Variants in CSMD1 observed in about 807,000 individuals in gnomAD.
CSMD1 encodes the protein CUB and Sushi multiple domains 1.
In CSMD1, 213 loss-of-function variants were observed where a neutral mutation model predicts 417.5. That is an observed-to-expected ratio of 0.51 (90% CI 0.46 to 0.57). CSMD1 has a LOEUF of 0.57. CSMD1 is among the 20% of genes least tolerant of loss of function. CSMD1 has a pLI of 0.00. For synonymous variants in CSMD1, 2,862 were observed against 1,736.8 expected (o/e 1.65, Z -16.11); for missense variants, 6,923 against 4,529.7 (o/e 1.53, Z -15.17).
chr8:3,455,690 T>A (rs1181393644), intron 12 of CSMD1, among the ~76,000 whole-genome samples: 1 of 152,144 alleles, frequency 6.6e-6, no homozygotes, highest in African/African-American at 2.4e-5. Flanking sequence ...CTCAGAGGAG[T>A]ACCTGGCCAT....
At chr8:4,130,929 T>C (rs1247611343) in intron 3 of CSMD1, among the ~76,000 whole-genome samples, 1 of 152,106 alleles carries the variant, frequency 6.6e-6, no homozygotes, top group Non-Finnish European at 1.5e-5. Context: ...TTATTCAGGC[T>C]TTCTGAATAT....
intron 17 of CSMD1, among the ~76,000 whole-genome samples, chr8:3,388,243 C>T (rs921590050): frequency 1.3e-5 from 2 of 152,094 alleles, no homozygotes; most frequent in Non-Finnish European, 2.9e-5. Context: ...TTTAAGTCAG[C>T]CACTTGCAAG....
chr8:3,799,195 A>C (rs1348618722), intron 5 of CSMD1, among the ~76,000 whole-genome samples: 1 of 152,116 alleles, frequency 6.6e-6, no homozygotes, highest in East Asian at 1.9e-4. Context: ...AAAAAGAGGA[A>C]TAGCACATAA....
intron 10 of CSMD1, among the ~76,000 whole-genome samples, chr8:3,503,578 A>G (rs1436030436): frequency 6.6e-6 from 1 of 152,214 alleles, no homozygotes; most frequent in Non-Finnish European, 1.5e-5. Flanking sequence ...CCCCGCCCTC[A>G]GGGCCCTGCC....
chr8:4,405,126 G>A (rs1034965617), intron 3 of CSMD1, among the ~76,000 whole-genome samples: 2 of 152,076 alleles, frequency 1.3e-5, no homozygotes, highest in Non-Finnish European at 2.9e-5. Flanking sequence ...CCTTAGCATT[G>A]GTTATTTCAC....
At chr8:4,207,830 C>G (rs1800075029) in intron 3 of CSMD1, among the ~76,000 whole-genome samples, 1 of 152,038 alleles carries the variant, frequency 6.6e-6, no homozygotes, top group Non-Finnish European at 1.5e-5. Flanking sequence ...CAGATGCAAC[C>G]TCAGCCCTGG....
intron 20 of CSMD1, among the ~76,000 whole-genome samples, chr8:3,364,757 G>C (rs1004750569): frequency 6.6e-6 from 1 of 152,182 alleles, no homozygotes; most frequent in Non-Finnish European, 1.5e-5. Flanking sequence ...CACCCCAGAT[G>C]CCAGCACCTT....
At position 3,039,556 on chromosome 8, in the gene CSMD1, T is replaced by C. The variant is rs371040706; in HGVS notation, c.7661-10043A>G. On this transcript the variant is annotated intron_variant, in intron 50 of 69. Transcript: ENST00000635120. ...TTCCTTCTTTCCTTCCTTCCTTTCCTCCTTATTTTCTTCCTCATACATTAT... is the reference window on the plus strand; with the variant it reads ...TTCCTTCTTTCCTTCCTTCCTTTCCCCCTTATTTTCTTCCTCATACATTAT... 3.3e-5 allele frequency among the ~76,000 whole-genome samples: 5 copies of C among 151,746 alleles called. No individual in the cohort carries two copies. The East Asian group carries it at 7.8e-4, about 24-fold the overall frequency.
At chr8:3,332,944 G>C (rs1024291719) in intron 23 of CSMD1, among the ~76,000 whole-genome samples, 1 of 152,212 alleles carries the variant, frequency 6.6e-6, no homozygotes, top group Admixed American at 6.5e-5. Flanking sequence ...TGCTGAGTTT[G>C]TCAAGATACG....
At chr8:3,966,632 C>T (rs1277377457) in intron 5 of CSMD1, among the ~76,000 whole-genome samples, 1 of 151,942 alleles carries the variant, frequency 6.6e-6, no homozygotes, top group Non-Finnish European at 1.5e-5. Context: ...TTCAATTAGC[C>T]TGCAAGGTCT....
intron 2 of CSMD1, among the ~76,000 whole-genome samples, chr8:4,612,684 G>A (rs566701178): frequency 2.8e-4 from 43 of 152,164 alleles, no homozygotes; most frequent in Admixed American, 6.5e-4. Flanking sequence ...CAAACCTCAC[G>A]CCACATCCCT....
chr8:4,828,720 A>T (rs1297832680), intron 1 of CSMD1, among the ~76,000 whole-genome samples: 1 of 151,956 alleles, frequency 6.6e-6, no homozygotes, highest in African/African-American at 2.4e-5. Context: ...TAAAATCCTA[A>T]CGCTACTACT....
At chr8:3,043,889 G>C (rs1162598649) in intron 50 of CSMD1, 1 of 152,334 alleles carries the variant, frequency 6.6e-6, no homozygotes, top group Non-Finnish European at 1.5e-5. Context: ...AAGTGATATA[G>C]AGCTGTCATC....
chr8:3,297,905 G>T (rs919940375), intron 25 of CSMD1, among the ~76,000 whole-genome samples: 1 of 152,018 alleles, frequency 6.6e-6, no homozygotes, highest in Admixed American at 6.6e-5. Flanking sequence ...TTTATCAAAA[G>T]AAATCATTTC....
intron 18 of CSMD1, among the ~76,000 whole-genome samples, chr8:3,371,160 G>A (rs139164892): frequency 5.1e-4 from 78 of 152,202 alleles, no homozygotes; most frequent in African/African-American, 1.8e-3. Flanking sequence ...TTTTCCAGAT[G>A]TCTAGCTTGC....
intron 1 of CSMD1, among the ~76,000 whole-genome samples, chr8:4,832,672 C>T (rs1800223905): frequency 6.6e-6 from 1 of 152,106 alleles, no homozygotes; most frequent in African/African-American, 2.4e-5. Context: ...TCATATTTCT[C>T]ACAAAGAAAA....
intron 33 of CSMD1, among the ~76,000 whole-genome samples, chr8:3,190,873 C>A (rs555779666): frequency 7.9e-5 from 12 of 152,234 alleles, no homozygotes; most frequent in African/African-American, 2.4e-4. Context: ...CACAGAAGAA[C>A]GAATACCTTA....
At chr8:3,391,561 A>G (rs1008525203) in intron 17 of CSMD1, among the ~76,000 whole-genome samples, 1 of 152,200 alleles carries the variant, frequency 6.6e-6, no homozygotes, top group African/African-American at 2.4e-5. Context: ...CTGTCGCTGG[A>G]CACTAACATA....
At chr8:3,445,371 T>G (rs1815233454) in intron 12 of CSMD1, among the ~76,000 whole-genome samples, 1 of 152,204 alleles carries the variant, frequency 6.6e-6, no homozygotes, top group African/African-American at 2.4e-5. Context: ...TGTTACCATC[T>G]TATTTTCACA....
Sources: allele counts gnomAD v4.1 joint callset (sites outside exome capture counted in the v4.1 genomes callset), GRCh38; gene constraint gnomAD v4.1.1; transcripts MANE v1.5; gene names NCBI Gene and HGNC (gene_info 2026-07-23, HGNC 2026-07-21).